Variants in SLC25A25 observed in about 807,000 individuals in gnomAD.
SLC25A25 encodes solute carrier family 25 member 25.
Under a neutral mutation model 57.7 loss-of-function variants are expected in SLC25A25, and 32 were observed. That is an observed-to-expected ratio of 0.55 (90% CI 0.42 to 0.74). The LOEUF is 0.74. Among genes scored for constraint, SLC25A25 ranks in the 30% least tolerant of loss-of-function variants. The probability of loss-of-function intolerance (pLI) is 0.00; values close to 1 mark genes in which losing one functional copy is unlikely to be tolerated. For missense variants in SLC25A25, 556 were observed against 701.3 expected (o/e 0.79, Z 2.34); for synonymous variants, 306 against 291.2 (o/e 1.05, Z -0.52).
chr9:128,068,280 C>G lies in SLC25A25; in HGVS notation c.-40C>G. The stretch of plus-strand genomic sequence containing the variant: ...GCGCGGTCACCGCCGGCCCGCCGCC[C>G]CCGCTCCCGCCCGCGCCCGGAGCCC... On this transcript the variant is annotated 5_prime_UTR_variant, in exon 1 of 11. Transcript: ENST00000373069. 3.3e-6 allele frequency: 4 copies of G among 1,216,438 alleles called. No homozygotes were observed. The highest frequency in any genetic ancestry group is 4.2e-6 in the Non-Finnish European group (4 of 959,048). 75.4% of individuals were successfully genotyped at this position (1,216,438 alleles called of 1,614,324 possible).
At chr9:128,091,343 T>G in intron 1 of SLC25A25, 13 of 742,462 alleles carry the variant, frequency 1.8e-5, no homozygotes, top group Non-Finnish European at 2.1e-5. Flanking sequence ...CAGCTGCCTG[T>G]GATTGGAGGG....
chr9:128,085,996 C>A (rs1728614909), intron 1 of SLC25A25, among the ~76,000 whole-genome samples: 1 of 151,882 alleles, frequency 6.6e-6, no homozygotes, highest in African/African-American at 2.4e-5. Context: ...GCGTACCTGT[C>A]ATTTTTTTCC....
chr9:128,073,661 A>G (rs1468254551), intron 1 of SLC25A25, among the ~76,000 whole-genome samples: 4 of 152,176 alleles, frequency 2.6e-5, no homozygotes, highest in Non-Finnish European at 4.4e-5. Flanking sequence ...TTAAATTCAT[A>G]TATTAAACTA....
At chr9:128,070,472 C>G (rs1214972947) in intron 1 of SLC25A25, among the ~76,000 whole-genome samples, 1 of 149,616 alleles carries the variant, frequency 6.7e-6, no homozygotes, top group Non-Finnish European at 1.5e-5. Flanking sequence ...GGCTCCTGAC[C>G]TCAGGTGATC....
rs758190735 is a variant in SLC25A25 at position 128,068,552 on chromosome 9, G to A, written c.233G>A (p.Gly78Glu). The part of the protein sequence containing the change: ...NDLAVGLRRL[G>E]LHRTEGELQK... ...CTGGCGGTGGGGCTGCGGCGCCTGG[G>A]ACTGCACCGCACCGAGGGCGAGCTC... Residue 78 changes from glycine to glutamate, a missense_variant, in exon 1 of 11, where the codon GGA (glycine) becomes GAA (glutamate). Gly to Glu is a moderately conservative substitution (Grantham distance 98). This residue lies in a region of SLC25A25 where 248 missense variants were observed against 273.5 expected (regional missense o/e 0.91). Coordinates refer to ENST00000373069, the MANE Select transcript of SLC25A25 (RefSeq NM_001330988.2). The A allele has an allele frequency of 2.7e-6, 4 of 1,457,410 alleles. No individual in the cohort carries two copies. In the East Asian group the frequency reaches 1.1e-4, roughly 39 times the overall value. 90.3% of individuals were successfully genotyped at this position (1,457,410 alleles called of 1,614,324 possible).
intron 1 of SLC25A25, among the ~76,000 whole-genome samples, chr9:128,073,375 C>G (rs1832946126): frequency 6.6e-6 from 1 of 152,330 alleles, no homozygotes; most frequent in South Asian, 2.1e-4. Context: ...CCGCCCTCCC[C>G]CATTTCTCTC....
In SLC25A25 at chr9:128,102,247, G is replaced by A. The variant is rs1833830616; in HGVS notation, c.513-123G>A. The A allele has an allele frequency of 1.4e-6, 2 of 1,406,046 alleles. No individual in the cohort carries two copies. Among genetic ancestry groups the A allele is most frequent in the South Asian group, 1.2e-5 (1 of 81,600 alleles). 87.1% of individuals were successfully genotyped at this position (1,406,046 alleles called of 1,614,324 possible). On this transcript the variant is annotated intron_variant, in intron 4 of 10. Transcript: ENST00000373069. This position sits in a 1 kb window ranked among gnomAD's most constrained non-coding sequence, Gnocchi z 4.1. ...GAGCCCCCTGCTCTTTCTCCTGGGGGCAGAGGCACCTCGTGTGGTTTCTGG... is the reference window on the plus strand; with the variant it reads ...GAGCCCCCTGCTCTTTCTCCTGGGGACAGAGGCACCTCGTGTGGTTTCTGG...
In SLC25A25 at chr9:128,107,253, C is replaced by T; in HGVS notation, c.1364-7C>T. 6.2e-7 allele frequency: 1 copy of T among 1,607,474 alleles called. No individual in the cohort carries two copies. The highest frequency in any genetic ancestry group is 8.5e-7 in the Non-Finnish European group (1 of 1,175,446). On this transcript the variant is annotated splice_polypyrimidine_tract_variant and splice_region_variant and intron_variant, in intron 10 of 10. Transcript: ENST00000373069. ...GAAGCATCTGACTGGTGGCCTCCAT[C>T]CTGCAGCCTCTATTGAGGGCGCTCC...
intron 1 of SLC25A25, chr9:128,092,090 G>A: frequency 1.2e-6 from 2 of 1,612,714 alleles, no homozygotes; most frequent in Non-Finnish European, 1.7e-6. Context: ...GTTTCCTAAG[G>A]TAATGTTGGC....
In SLC25A25 at chr9:128,102,274, C is replaced by A. The variant is rs552386514; in HGVS notation, c.513-96C>A. 14 of 1,417,890 alleles carry A rather than the reference C, an allele frequency of 9.9e-6. No individual in the cohort carries two copies. In the South Asian group the frequency reaches 1.2e-4, roughly 12 times the overall value. 87.8% of individuals were successfully genotyped at this position (1,417,890 alleles called of 1,614,324 possible). A position where few individuals can be genotyped will look rare whatever the true frequency, so the allele number is the denominator to read the frequency against. On this transcript the variant is annotated intron_variant, in intron 4 of 10. Transcript: ENST00000373069. This position sits in a 1 kb window ranked among gnomAD's most constrained non-coding sequence, Gnocchi z 4.1. ...AGAGGCACCTCGTGTGGTTTCTGGG[C>A]ATCCGAATGCCTGCCCTTGGCTCAC...
At chr9:128,083,920 C>T (rs1474271602) in intron 1 of SLC25A25, among the ~76,000 whole-genome samples, 1 of 152,142 alleles carries the variant, frequency 6.6e-6, no homozygotes. Context: ...TCGCTTTCTG[C>T]GTTGTTCTTC....
chr9:128,108,204 C>T lies in SLC25A25; in HGVS notation c.*760C>T. 2.5e-6 allele frequency: 1 copy of T among 399,242 alleles called. No homozygotes were observed. The highest frequency in any genetic ancestry group is 4.4e-6 in the Non-Finnish European group (1 of 226,178). The allele number at this position is 399,242 out of a possible 1,614,324, so 24.7% of individuals were successfully genotyped here. A position where few individuals can be genotyped will look rare whatever the true frequency, so the allele number is the denominator to read the frequency against. ...GGGCCCCACCTCAGAACCAAACTCA[C>T]TGTCCCCACTGTGGCATGAGGGCAG... On this transcript the variant is annotated 3_prime_UTR_variant, in exon 11 of 11. Transcript: ENST00000373069.
intron 1 of SLC25A25, among the ~76,000 whole-genome samples, chr9:128,084,505 C>T (rs1436166074): frequency 6.6e-6 from 1 of 152,128 alleles, no homozygotes; most frequent in East Asian, 1.9e-4. Context: ...GATAATAACC[C>T]TTTCAACCCC....
At chr9:128,071,828 C>T (rs562063631) in intron 1 of SLC25A25, among the ~76,000 whole-genome samples, 2 of 152,070 alleles carry the variant, frequency 1.3e-5, no homozygotes, top group South Asian at 4.2e-4. Flanking sequence ...TCTCCTGCCT[C>T]AGCTTCCTGA....
At chr9:128,069,341 A>G (rs540387403) in intron 1 of SLC25A25, among the ~76,000 whole-genome samples, 42 of 152,296 alleles carry the variant, frequency 2.8e-4, no homozygotes, top group Admixed American at 9.8e-4. Context: ...ACCTCAGAGC[A>G]GAGGCTGTTT....
At chr9:128,072,097 C>G (rs1047960673) in intron 1 of SLC25A25, among the ~76,000 whole-genome samples, 4 of 152,164 alleles carry the variant, frequency 2.6e-5, no homozygotes, top group African/African-American at 9.7e-5. Flanking sequence ...AATTTATTAG[C>G]TCATTACCTG....
At chr9:128,080,501 G>A (rs973971312) in intron 1 of SLC25A25, among the ~76,000 whole-genome samples, 27 of 139,510 alleles carry the variant, frequency 1.9e-4, no homozygotes, top group African/African-American at 5.5e-4. Context: ...TTTTTGAGAC[G>A]GAGTTTTGCT....
chr9:128,084,602 GT>G, intron 1 of SLC25A25, among the ~76,000 whole-genome samples: 1 of 13,776 alleles, frequency 7.3e-5, no homozygotes, highest in South Asian at 2.8e-3. Flanking sequence ...CTGAACCAAT[GT>G]GTACACCTTA....
chr9:128,077,442 G>C (rs934955215), intron 1 of SLC25A25, among the ~76,000 whole-genome samples: 1 of 150,798 alleles, frequency 6.6e-6, no homozygotes, highest in African/African-American at 2.5e-5. Context: ...GCGTGAACCC[G>C]GGAGGCGGAG....
Sources: allele counts gnomAD v4.1 joint callset (sites outside exome capture counted in the v4.1 genomes callset), GRCh38; gene constraint gnomAD v4.1.1; regional missense constraint gnomAD v4.1.1; non-coding constraint Gnocchi (gnomAD v3.1); transcripts MANE v1.5; gene names NCBI Gene and HGNC (gene_info 2026-07-23, HGNC 2026-07-21).